The following POLR3B variants were observed in gnomAD, a reference collection of about 807,000 sequenced individuals.
POLR3B encodes the protein DNA-directed RNA polymerase III subunit RPC2.
A neutral mutation model predicts 147.4 loss-of-function variants in POLR3B; 96 were observed. The ratio of observed to expected loss-of-function variants is 0.65; its 90% CI spans 0.55 to 0.77. The LOEUF is 0.77. Among genes scored for constraint, POLR3B ranks in the 30% least tolerant of loss-of-function variants. The pLI is 0.00. For synonymous variants in POLR3B, 461 were observed against 485.9 expected, an observed-to-expected ratio of 0.95 and a Z score of 0.67; for missense variants, 1,036 against 1,413.5, an observed-to-expected ratio of 0.73 and a Z score of 4.28.
chr12:106,437,942 A>G (rs997427723), intron 18 of POLR3B, among the ~76,000 whole-genome samples, 163 bp downstream of exon 18: 2 of 152,222 alleles, frequency 1.3e-5, no homozygotes, highest in Non-Finnish European at 2.9e-5. Context: ...GGTTTGTTAC[A>G]TAGGTAAACG....
At chr12:106,426,996 C>T (rs529936005) in intron 12 of POLR3B, among the ~76,000 whole-genome samples, 118 of 152,074 alleles carry the variant, frequency 7.8e-4, no homozygotes, top group Middle Eastern at 3.4e-3. Flanking sequence ...TCTTTGCTCT[C>T]GTTTAAATGC....
intron 15 of POLR3B, among the ~76,000 whole-genome samples, chr12:106,433,092 C>A (rs956427782): frequency 1.3e-5 from 2 of 152,156 alleles, no homozygotes; most frequent in African/African-American, 4.8e-5. Context: ...TTCCTCTCCC[C>A]CTTCCTCTCA....
intron 9 of POLR3B, among the ~76,000 whole-genome samples, chr12:106,388,159 G>T (rs149678282): frequency 2.6e-5 from 4 of 152,166 alleles, no homozygotes; most frequent in African/African-American, 7.2e-5. Context: ...TCACTACAAA[G>T]GTTCTCCTGC....
intron 18 of POLR3B, among the ~76,000 whole-genome samples, chr12:106,441,239 A>G (rs968479483): frequency 1.3e-5 from 2 of 152,174 alleles, no homozygotes; most frequent in African/African-American, 4.8e-5. Context: ...ATATACATGT[A>G]TATTTGTATA....
At position 106,442,090 on chromosome 12, in the gene POLR3B, AAAG is replaced by A. The variant is rs1283214465; in HGVS notation, c.1956-2370_1956-2368del. Among the ~76,000 whole-genome samples, 212 of 143,288 alleles carry A rather than the reference AAAG, an allele frequency of 1.5e-3. 3 individuals carry two copies. Among genetic ancestry groups the A allele is most frequent in the African/African-American group, 5.6e-3 (199 of 35,576 alleles). The allele number at this position is 143,288 out of a possible 152,430, so 94.0% of individuals were successfully genotyped here. On this transcript the variant is annotated intron_variant, in intron 18 of 27. Coordinates refer to ENST00000228347, the MANE Select transcript of POLR3B (RefSeq NM_018082.6). ...AGCGAAAATCCGCCTCAAAAAAAAA[AAAG>A]AAAGAAAGAAAGAAAGAAATCTCCC...
intron 22 of POLR3B, among the ~76,000 whole-genome samples, chr12:106,460,244 G>A (rs955441955): frequency 2.0e-5 from 3 of 152,166 alleles, no homozygotes; most frequent in African/African-American, 7.2e-5. Flanking sequence ...CAAAAAAAGT[G>A]CAATAATGAC....
Position 106,358,041 on chromosome 12 carries a change from C to A in POLR3B, c.72+90C>A. ...GTGCTCGGGCCGCCAAGGGGGCGGG[C>A]TGGCGGTTTGTGCGCATGCGCCGGG... On this transcript the variant is annotated intron_variant, in intron 1 of 27. Transcript: ENST00000228347. 1.9e-6 allele frequency: 3 copies of A among 1,567,994 alleles called. No individual in the cohort carries two copies. The Admixed American group carries it at 5.7e-5, about 30-fold the overall frequency.
chr12:106,380,802 G>T (rs1463272015), intron 9 of POLR3B, among the ~76,000 whole-genome samples: 2 of 152,108 alleles, frequency 1.3e-5, no homozygotes, highest in Admixed American at 1.3e-4. Flanking sequence ...GAACCCAAAA[G>T]ACATTTTCCA....
Position 106,366,511 on chromosome 12 carries a change from T to C in POLR3B, c.106-5T>C, listed in dbSNP as rs980873946. 1.9e-6 allele frequency: 3 copies of C among 1,600,056 alleles called. No individual in the cohort carries two copies. Among genetic ancestry groups the C allele is most frequent in the Non-Finnish European group, 2.6e-6 (3 of 1,168,272 alleles). ...CCTGTTTACTTTCTCTTTCTATCTG[T>C]TTAGGTGAAAGGCCTTGTGAAACAG... On this transcript the variant is annotated splice_polypyrimidine_tract_variant and splice_region_variant and intron_variant, in intron 2 of 27. Transcript: ENST00000228347.
At chr12:106,376,143 G>C (rs2036675683) in intron 6 of POLR3B, among the ~76,000 whole-genome samples, 1 of 152,210 alleles carries the variant, frequency 6.6e-6, no homozygotes. Flanking sequence ...ACTGCACCCA[G>C]CCTGAGTTTT....
chr12:106,417,867 G>A (rs2037327636), intron 12 of POLR3B, among the ~76,000 whole-genome samples: 1 of 152,128 alleles, frequency 6.6e-6, no homozygotes, highest in East Asian at 1.9e-4. Flanking sequence ...ATAAGGAATG[G>A]AGTAAGGAGG....
chr12:106,372,451 C>G (rs532569063), intron 6 of POLR3B, among the ~76,000 whole-genome samples: 1 of 151,778 alleles, frequency 6.6e-6, no homozygotes, highest in African/African-American at 2.4e-5. Context: ...GATTCACCCA[C>G]CTCAACCTCC....
In POLR3B at chr12:106,410,851, A is replaced by G. The variant is rs1406879029; in HGVS notation, c.992A>G (p.Lys331Arg). 1.2e-6 allele frequency: 2 copies of G among 1,613,898 alleles called. No homozygotes were observed. The highest frequency in any genetic ancestry group is 1.7e-6 in the Non-Finnish European group (2 of 1,179,938). ...GTTAAGGAATTCAATTTCCGAGCCA[A>G]ATGTATCTATACTGCAGTGATGGTG... The part of the protein sequence containing the change: ...VPVKEFNFRA[K>R]CIYTAVMVRR... Residue 331 changes from lysine (K) to arginine (R), a missense_variant, in exon 12 of 28, where the codon AAA becomes AGA. Around this residue, in one of 12 missense-constraint regions of POLR3B, gnomAD observed 217 missense variants for 288.7 expected, o/e 0.75. Transcript: ENST00000228347.
At chr12:106,444,653 C>T (rs2137017280) in intron 19 of POLR3B, 63 bp downstream of exon 19, 3 of 1,530,454 alleles carry the variant, frequency 2.0e-6, no homozygotes, top group Non-Finnish European at 2.7e-6. Flanking sequence ...AAAAGCCTTA[C>T]ATCTTTATTC....
chr12:106,447,966 T>C (rs916898462), intron 19 of POLR3B, among the ~76,000 whole-genome samples: 5 of 152,218 alleles, frequency 3.3e-5, no homozygotes, highest in Admixed American at 2.0e-4. Flanking sequence ...AGAAATAGGC[T>C]GGAGAATTTT....
intron 18 of POLR3B, among the ~76,000 whole-genome samples, chr12:106,440,716 T>C (rs1366788372): frequency 1.3e-5 from 2 of 150,578 alleles, no homozygotes; most frequent in East Asian, 3.9e-4. Flanking sequence ...TATCCACTCC[T>C]CTTTACTACT....
intron 11 of POLR3B, among the ~76,000 whole-genome samples, chr12:106,408,319 G>T (rs1334752158): frequency 6.6e-6 from 1 of 152,210 alleles, no homozygotes; most frequent in Non-Finnish European, 1.5e-5. Context: ...TTGTCCTTGA[G>T]GGTGGGCCTG....
intron 10 of POLR3B, among the ~76,000 whole-genome samples, chr12:106,398,200 C>T (rs886289725): frequency 4.6e-5 from 7 of 152,248 alleles, no homozygotes; most frequent in East Asian, 1.9e-4. Flanking sequence ...GCACATGACT[C>T]GGAGGGTCCT....
At chr12:106,477,727 C>T (rs1481373315) in intron 23 of POLR3B, among the ~76,000 whole-genome samples, 3 of 152,030 alleles carry the variant, frequency 2.0e-5, no homozygotes, top group Non-Finnish European at 2.9e-5. Context: ...TCGGCTCGCG[C>T]AGGGTACGCG....
Sources: allele counts gnomAD v4.1 joint callset (sites outside exome capture counted in the v4.1 genomes callset), GRCh38; gene constraint gnomAD v4.1.1; regional missense constraint gnomAD v4.1.1; transcripts MANE v1.5; gene names NCBI Gene and HGNC (gene_info 2026-07-23, HGNC 2026-07-21).